The following ACER3 variants were observed in gnomAD, a reference collection of about 807,000 sequenced individuals.
The protein encoded by ACER3 is alkCDase 3.
A neutral mutation model predicts 48.9 loss-of-function variants in ACER3; 16 were observed. The ratio of observed to expected loss-of-function variants is 0.33; its 90% CI spans 0.22 to 0.50. The LOEUF (loss-of-function observed/expected upper bound fraction) is 0.50, where lower values mean the gene tolerates loss of function less well. Ranked by LOEUF, ACER3 falls within the 20% of genes least tolerant of loss-of-function variation. The pLI is 0.98. For synonymous variants in ACER3, 109 were observed against 107.8 expected (o/e 1.01, Z -0.07); for missense variants, 227 against 326.0 (o/e 0.70, Z 2.34).
chr11:76,919,925 A>G (rs1946642204), intron 1 of ACER3, among the ~76,000 whole-genome samples: 2 of 152,198 alleles, frequency 1.3e-5, no homozygotes, highest in South Asian at 4.1e-4. Context: ...GTCGTTATCA[A>G]TTTATTACTT....
At chr11:76,983,383 C>A (rs1380601613) in intron 4 of ACER3, among the ~76,000 whole-genome samples, 1 of 152,130 alleles carries the variant, frequency 6.6e-6, no homozygotes, top group Non-Finnish European at 1.5e-5. Context: ...TTGGCACGAT[C>A]TTGGCTCACT....
intron 7 of ACER3, chr11:77,011,203 C>A: frequency 3.3e-6 from 1 of 302,594 alleles, no homozygotes; most frequent in Non-Finnish European, 4.9e-6. Context: ...GTATTCTACA[C>A]TCTTGCACCT....
chr11:76,978,912 C>G (rs1182886495), intron 4 of ACER3, among the ~76,000 whole-genome samples: 1 of 152,234 alleles, frequency 6.6e-6, no homozygotes, highest in Non-Finnish European at 1.5e-5. Flanking sequence ...ATGCTGGCTT[C>G]TGGAGCTGCC....
intron 3 of ACER3, among the ~76,000 whole-genome samples, chr11:76,969,439 T>C (rs1948232115): frequency 6.6e-6 from 1 of 152,156 alleles, no homozygotes. Context: ...GCCATCCCAT[T>C]ATTGGGTATA....
At chr11:77,012,602 CA>C (rs1555022413) in intron 7 of ACER3, among the ~76,000 whole-genome samples, 1 of 152,028 alleles carries the variant, frequency 6.6e-6, no homozygotes. Context: ...TTAAATTTAA[CA>C]AAATATGCAA....
chr11:76,912,224 G>A (rs1048064126), intron 1 of ACER3, among the ~76,000 whole-genome samples: 6 of 152,038 alleles, frequency 3.9e-5, no homozygotes, highest in African/African-American at 1.4e-4. Context: ...AGAGTAGAAG[G>A]CAAAGTGAGG....
chr11:77,009,789 C>T (rs1555021751), intron 7 of ACER3, among the ~76,000 whole-genome samples: 1 of 151,866 alleles, frequency 6.6e-6, no homozygotes, highest in Non-Finnish European at 1.5e-5. Flanking sequence ...CCAGCCTGGG[C>T]AACAGAGTGA....
intron 2 of ACER3, among the ~76,000 whole-genome samples, chr11:76,949,075 A>G (rs1947562466): frequency 1.1e-5 from 1 of 94,514 alleles, no homozygotes; most frequent in Admixed American, 9.2e-5. Context: ...AGTCAAAATA[A>G]ATGTGTATCG....
rs774580764 is a variant in ACER3, at chr11:76,950,352, CATATATATATATATATATATATATAT to C, written c.215-8593_215-8568del. ...GTTTTAAACAGGAGAGTGACATGATCATATATATATATATATATATATATATATATATATATATATATATATATATA... is the reference window on the plus strand; with the variant it reads ...GTTTTAAACAGGAGAGTGACATGATCATATATATATATATATATATATATA... On this transcript the variant is annotated intron_variant, in intron 2 of 10. Transcript: ENST00000532485. Among the ~76,000 whole-genome samples, 222 of 36,048 alleles carry C rather than the reference CATATATATATATATATATATATATAT, an allele frequency of 6.2e-3. 2 individuals carry two copies. Among genetic ancestry groups the C allele is most frequent in the South Asian group, 0.028 (13 of 468 alleles). 23.6% of individuals were successfully genotyped at this position (36,048 alleles called of 152,430 possible).
chr11:76,946,420 G>A (rs942811684), intron 2 of ACER3, among the ~76,000 whole-genome samples: 24 of 152,184 alleles, frequency 1.6e-4, no homozygotes, highest in African/African-American at 5.8e-4. Context: ...TCCTAAGTAT[G>A]AGTAGGAGAG....
intron 1 of ACER3, among the ~76,000 whole-genome samples, chr11:76,897,017 G>A (rs1945950790): frequency 6.6e-6 from 1 of 152,114 alleles, no homozygotes; most frequent in African/African-American, 2.4e-5. Flanking sequence ...GAGTGCAGTG[G>A]TGCAATCTCA....
At chr11:76,950,352 CATAT>C (rs774580764) in intron 2 of ACER3, among the ~76,000 whole-genome samples, 9 of 36,026 alleles carry the variant, frequency 2.5e-4, no homozygotes, top group Admixed American at 1.0e-3. Context: ...GTGACATGAT[CATAT>C]ATATATATAT....
At chr11:76,918,034 C>T (rs984255366) in intron 1 of ACER3, among the ~76,000 whole-genome samples, 1 of 151,920 alleles carries the variant, frequency 6.6e-6, no homozygotes, top group Non-Finnish European at 1.5e-5. Flanking sequence ...GTTTTTTTGC[C>T]TTCTTTGTTC....
chr11:76,976,565 T>C (rs1483843698), intron 4 of ACER3, among the ~76,000 whole-genome samples: 1 of 152,196 alleles, frequency 6.6e-6, no homozygotes, highest in Non-Finnish European at 1.5e-5. Flanking sequence ...AGATAGGATC[T>C]AAATAGCTTA....
At chr11:76,898,852 C>A (rs1000395178) in intron 1 of ACER3, among the ~76,000 whole-genome samples, 7 of 129,568 alleles carry the variant, frequency 5.4e-5, no homozygotes, top group Non-Finnish European at 1.1e-4. Flanking sequence ...TGCAGTGAGC[C>A]GAGATCCCGC....
chr11:76,876,403 T>C (rs1945382182), intron 1 of ACER3, among the ~76,000 whole-genome samples: 1 of 152,218 alleles, frequency 6.6e-6, no homozygotes, highest in Non-Finnish European at 1.5e-5. Flanking sequence ...TCCATATTGC[T>C]ATGTGGTAGG....
At chr11:76,911,354 C>T (rs769435827) in intron 1 of ACER3, among the ~76,000 whole-genome samples, 2 of 152,096 alleles carry the variant, frequency 1.3e-5, no homozygotes, top group African/African-American at 4.8e-5. Context: ...TGCAAACTGT[C>T]GTGGCACTGG....
chr11:76,964,534 C>A (rs1948085392), intron 3 of ACER3, among the ~76,000 whole-genome samples: 1 of 151,340 alleles, frequency 6.6e-6, no homozygotes, highest in African/African-American at 2.5e-5. Flanking sequence ...GTCCCTGACC[C>A]CCGAGTAGCC....
rs2135350341 is a variant in ACER3, at chr11:77,022,980, A to C, written c.*2653A>C. 2.5e-6 allele frequency: 1 copy of C among 396,090 alleles called. No individual in the cohort carries two copies. Among genetic ancestry groups the C allele is most frequent in the African/African-American group, 2.1e-5 (1 of 48,700 alleles). The allele number at this position is 396,090 out of a possible 1,614,324, so 24.5% of individuals were successfully genotyped here. ...CTTGTGCCTCCATTTTCACTCTTGA[A>C]AACTGAAAGCAATTTGACTTTTATT... On this transcript the variant is annotated 3_prime_UTR_variant, in exon 11 of 11. Transcript: ENST00000532485.
Sources: allele counts gnomAD v4.1 joint callset (sites outside exome capture counted in the v4.1 genomes callset), GRCh38; gene constraint gnomAD v4.1.1; transcripts MANE v1.5; gene names NCBI Gene and HGNC (gene_info 2026-07-23, HGNC 2026-07-21).